The following RTF1 variants were observed in gnomAD, a reference collection of about 807,000 sequenced individuals.
RTF1 encodes the protein RTF1 homolog, Paf1/RNA polymerase II complex component, also known as RNA polymerase-associated protein RTF1 homolog.
In RTF1, 10 loss-of-function variants were observed where a neutral mutation model predicts 95.7. The observed-to-expected ratio is 0.10, with a 90% CI of 0.06 to 0.18. The LOEUF (loss-of-function observed/expected upper bound fraction) is 0.18. Among genes scored for constraint, RTF1 ranks in the 10% least tolerant of loss-of-function variants. The probability of loss-of-function intolerance (pLI) is 1.00; values close to 1 mark genes in which losing one functional copy is unlikely to be tolerated. For missense variants in RTF1, 458 were observed against 875.6 expected, an observed-to-expected ratio of 0.52 and a Z score of 6.02; for synonymous variants, 305 against 311.8, an observed-to-expected ratio of 0.98 and a Z score of 0.23.
chr15:41,479,273 T>C (rs774476962), intron 16 of RTF1, 75 bp downstream of exon 16: 5 of 1,014,172 alleles, frequency 4.9e-6, no homozygotes, highest in Non-Finnish European at 7.6e-6. Context: ...CTTGTCTAGT[T>C]TGGGCTTGAT....
chr15:41,475,408 G>C, intron 9 of RTF1, 117 bp from the exon 10 acceptor site: 1 of 755,728 alleles, frequency 1.3e-6, no homozygotes, highest in Admixed American at 2.3e-5. Flanking sequence ...AGGGTAGCTA[G>C]GATTGAGAAC....
chr15:41,471,235 A>C lies in RTF1; in HGVS notation c.1089A>C (p.Arg363=). 6.2e-7 allele frequency: 1 copy of C among 1,613,838 alleles called. No homozygotes were observed. The highest frequency in any genetic ancestry group is 8.5e-7 in the Non-Finnish European group (1 of 1,179,962). Residue 363 remains arginine, a synonymous_variant, in exon 8 of 18, where the codon CGA becomes CGC. Transcript: ENST00000389629. ...VSLPEELNRV[R]LSRHKLERWC... is the part of the protein sequence containing the mutation. ...TACCTGAAGAATTGAATCGGGTTCG[A>C]TTATCACGGCATAAGCTAGAACGCT...
In RTF1 at chr15:41,417,235, C is replaced by T; in HGVS notation, c.120C>T (p.Thr40=). The change falls in exon 1 of 18, where the codon ACC becomes ACT. Residue 40 remains threonine, a synonymous_variant. Coordinates refer to ENST00000389629, the MANE Select transcript of RTF1 (RefSeq NM_015138.5). The stretch of plus-strand genomic sequence containing the variant: ...GCCGGCGTGGGAGCCGGGGGACCAC[C>T]ATGGTAAAGAAGCGGAAAGGCCGCG... ...GGGRRGSRGT[T]MVKKRKGRVV... is the part of the protein sequence containing the mutation. The T allele has an allele frequency of 8.0e-7, 1 of 1,255,900 alleles. No homozygotes were observed. The highest frequency in any genetic ancestry group is 1.0e-6 in the Non-Finnish European group (1 of 993,140). 77.8% of individuals were successfully genotyped at this position (1,255,900 alleles called of 1,614,324 possible).
intron 12 of RTF1, 72 bp from the exon 13 acceptor site, chr15:41,477,091 GAA>G: frequency 6.3e-7 from 1 of 1,595,246 alleles, no homozygotes; most frequent in Non-Finnish European, 8.6e-7. Flanking sequence ...GCCTGTGCTG[GAA>G]GTAAGGGGAT....
chr15:41,421,494 A>G (rs879731725), intron 1 of RTF1, among the ~76,000 whole-genome samples: 6 of 151,550 alleles, frequency 4.0e-5, no homozygotes, highest in Admixed American at 3.3e-4. Flanking sequence ...TTAGCTGGGC[A>G]TGGTGGCGTG....
intron 9 of RTF1, 61 bp from the exon 10 acceptor site, chr15:41,475,464 C>T (rs1380630542): frequency 5.8e-6 from 8 of 1,377,222 alleles, no homozygotes; most frequent in Non-Finnish European, 8.3e-6. Context: ...GGTAAGGTTG[C>T]TTTGCTTGTA....
intron 11 of RTF1, 27 bp downstream of exon 11, chr15:41,475,846 G>T: frequency 3.3e-6 from 4 of 1,201,612 alleles, no homozygotes; most frequent in Non-Finnish European, 4.8e-6. Flanking sequence ...CCCAGAACCC[G>T]GAGGTTCATC....
chr15:41,480,448 C>G (rs2050966354), intron 17 of RTF1, 123 bp downstream of exon 17: 4 of 968,796 alleles, frequency 4.1e-6, no homozygotes, highest in South Asian at 1.4e-5. Flanking sequence ...CATCCACAGG[C>G]CAGGCCAAGA....
chr15:41,436,352 G>A (rs1466533710), intron 1 of RTF1, among the ~76,000 whole-genome samples: 1 of 151,316 alleles, frequency 6.6e-6, no homozygotes, highest in Non-Finnish European at 1.5e-5. Context: ...AGCTACTCAG[G>A]AGGCTGAGGC....
At position 41,464,767 on chromosome 15, in the gene RTF1, C is replaced by T. The variant is rs1244779367; in HGVS notation, c.663-4C>T. The T allele has an allele frequency of 6.4e-7, 1 of 1,552,300 alleles. No individual in the cohort carries two copies. The highest frequency in any genetic ancestry group is 8.7e-7 in the Non-Finnish European group (1 of 1,149,494). On this transcript the variant is annotated splice_region_variant and splice_polypyrimidine_tract_variant and intron_variant, in intron 4 of 17. Transcript: ENST00000389629. Reference sequence around the variant, plus strand: ...TACTTAAAAACCAAATATCTTTTAACCAGATTTGAAATCAAGAAAAAACTA... The same window carrying T: ...TACTTAAAAACCAAATATCTTTTAATCAGATTTGAAATCAAGAAAAAACTA...
chr15:41,445,246 A>G (rs977047568), intron 2 of RTF1, among the ~76,000 whole-genome samples: 1 of 152,058 alleles, frequency 6.6e-6, no homozygotes, highest in African/African-American at 2.4e-5. Context: ...CATGAGCTTT[A>G]TGTTTTACAT....
chr15:41,436,646 T>C (rs2050704697), intron 1 of RTF1, among the ~76,000 whole-genome samples: 1 of 146,796 alleles, frequency 6.8e-6, no homozygotes, highest in Non-Finnish European at 1.5e-5. Flanking sequence ...AAAAAAAAAT[T>C]AGCCAGGCAT....
chr15:41,433,802 G>T (rs181862850), intron 1 of RTF1, among the ~76,000 whole-genome samples: 1 of 150,156 alleles, frequency 6.7e-6, no homozygotes, highest in Non-Finnish European at 1.5e-5. Context: ...CCCCCAAATG[G>T]TAACAACTCA....
rs182748042 is a variant in RTF1, at chr15:41,452,321, A to G, written c.310-580A>G. ...TGTGGTGGTACACGCCTATGGTCCCAACTACTTGGGAGGCTGAGGCAGGAG... is the reference window on the plus strand; with the variant it reads ...TGTGGTGGTACACGCCTATGGTCCCGACTACTTGGGAGGCTGAGGCAGGAG... On this transcript the variant is annotated intron_variant, in intron 2 of 17. Coordinates refer to ENST00000389629, the MANE Select transcript of RTF1 (RefSeq NM_015138.5). Among the ~76,000 whole-genome samples the G allele has an allele frequency of 9.2e-5, 14 of 152,140 alleles. No homozygotes were observed. The East Asian group carries it at 2.7e-3, about 29-fold the overall frequency.
Position 41,477,305 on chromosome 15 carries a change from T to C in RTF1, c.1682+19T>C, listed in dbSNP as rs376336279. 8.7e-6 allele frequency: 14 copies of C among 1,614,028 alleles called. No homozygotes were observed. The African/African-American group carries it at 1.1e-4, about 12-fold the overall frequency. ...CTATCAGGTGTGTTATGGAGCCTAT[T>C]TTTGGCCCGCAGACCTTGGCCAAAA... On this transcript the variant is annotated intron_variant, in intron 13 of 17. Coordinates refer to ENST00000389629, the MANE Select transcript of RTF1 (RefSeq NM_015138.5).
At chr15:41,430,117 C>T (rs371065933) in intron 1 of RTF1, among the ~76,000 whole-genome samples, 380 of 149,796 alleles carry the variant, frequency 2.5e-3, no homozygotes, top group African/African-American at 8.5e-3. Flanking sequence ...ACGCAGTTCT[C>T]CTGCCTCAGC....
intron 2 of RTF1, among the ~76,000 whole-genome samples, chr15:41,443,165 A>G (rs1321707055): frequency 6.6e-6 from 1 of 152,170 alleles, no homozygotes; most frequent in African/African-American, 2.4e-5. Context: ...ATATTTAGCT[A>G]ATTGATGAGG....
chr15:41,450,920 T>G (rs1475718210), intron 2 of RTF1, among the ~76,000 whole-genome samples: 1 of 152,074 alleles, frequency 6.6e-6, no homozygotes, highest in Non-Finnish European at 1.5e-5. Flanking sequence ...TGCCCTGCAC[T>G]CCAGCCTGGG....
At chr15:41,478,039 G>A (rs2050950858) in intron 14 of RTF1, among the ~76,000 whole-genome samples, 1 of 152,140 alleles carries the variant, frequency 6.6e-6, no homozygotes, top group Non-Finnish European at 1.5e-5. Context: ...CTGGGATGTG[G>A]AGATTGCAGT....
Sources: gnomAD v4.1 joint callset for allele counts (sites outside exome capture counted in the v4.1 genomes callset) on GRCh38, gnomAD v4.1.1 for gene constraint, MANE v1.5 for transcripts, NCBI Gene and HGNC (gene_info 2026-07-23, HGNC 2026-07-21) for gene names.